Variants in FRMD4A observed in about 807,000 individuals in gnomAD.
FRMD4A encodes FERM domain-containing protein 4A.
Under a neutral mutation model 129.1 loss-of-function variants are expected in FRMD4A, and 29 were observed. That is an observed-to-expected ratio of 0.22 (90% CI 0.17 to 0.31). The LOEUF (loss-of-function observed/expected upper bound fraction) is 0.31. FRMD4A is among the 10% of genes least tolerant of loss of function. The probability of loss-of-function intolerance (pLI) is 1.00; values close to 1 mark genes in which losing one functional copy is unlikely to be tolerated. For missense variants in FRMD4A, 1,272 were observed against 1,375.8 expected (o/e 0.92, Z 1.19); for synonymous variants, 634 against 571.6 (o/e 1.11, Z -1.56).
chr10:13,936,889 G>T (rs1349023555), intron 2 of FRMD4A, among the ~76,000 whole-genome samples: 1 of 152,092 alleles, frequency 6.6e-6, no homozygotes, highest in African/African-American at 2.4e-5. Context: ...CACTTACATG[G>T]CACACTCGTG....
chr10:13,889,038 AC>A (rs2131156180), intron 2 of FRMD4A, among the ~76,000 whole-genome samples: 1 of 152,358 alleles, frequency 6.6e-6, no homozygotes, highest in South Asian at 2.1e-4. Flanking sequence ...GAATTGAACT[AC>A]AAGCATGCTG....
chr10:13,821,189 G>A lies in FRMD4A; in HGVS notation c.112-10281C>T, dbSNP rs1446146959. Among the ~76,000 whole-genome samples the A allele has an allele frequency of 6.6e-6, 1 of 152,110 alleles. No homozygotes were observed. Among genetic ancestry groups the A allele is most frequent in the East Asian group, 1.9e-4 (1 of 5,186 alleles). On this transcript the variant is annotated intron_variant, in intron 3 of 24. Transcript: ENST00000357447. The surrounding 1 kb of genome is among the most constrained non-coding windows in gnomAD (Gnocchi z 4.3). The stretch of plus-strand genomic sequence containing the variant: ...GCTCTGTCCACTGTGTGGCCAGCAG[G>A]TCTGGGCGGCGACTCCCCTCCTTGT...
intron 2 of FRMD4A, among the ~76,000 whole-genome samples, chr10:14,018,735 G>GTTCTTT (rs1233866197): frequency 6.6e-6 from 1 of 152,148 alleles, no homozygotes; most frequent in African/African-American, 2.4e-5. Flanking sequence ...CTAGGACATT[G>GTTCTTT]TTCTTTTACA....
At chr10:13,839,851 C>T (rs959398145) in intron 3 of FRMD4A, among the ~76,000 whole-genome samples, 3 of 152,210 alleles carry the variant, frequency 2.0e-5, no homozygotes, top group Non-Finnish European at 2.9e-5. Context: ...GCCCGACTTT[C>T]CCTGGAGAAA....
intron 3 of FRMD4A, among the ~76,000 whole-genome samples, chr10:13,817,438 C>T (rs968533243): frequency 2.6e-5 from 4 of 152,222 alleles, no homozygotes; most frequent in Non-Finnish European, 5.9e-5. Context: ...CAGCACTTAA[C>T]GTGTTGCAGG....
At chr10:13,691,016 C>T (rs1040047570) in intron 15 of FRMD4A, among the ~76,000 whole-genome samples, 2 of 152,178 alleles carry the variant, frequency 1.3e-5, no homozygotes, top group African/African-American at 4.8e-5. Flanking sequence ...GAGACACAGT[C>T]TCACTCTGCC....
intron 2 of FRMD4A, among the ~76,000 whole-genome samples, chr10:14,189,890 T>A (rs1430388086): frequency 6.6e-6 from 1 of 152,220 alleles, no homozygotes; most frequent in Non-Finnish European, 1.5e-5. Context: ...AAAATCCTTA[T>A]AAATTTAATG....
intron 2 of FRMD4A, among the ~76,000 whole-genome samples, chr10:14,138,973 C>A (rs1839693793): frequency 6.6e-6 from 1 of 152,168 alleles, no homozygotes; most frequent in Non-Finnish European, 1.5e-5. Flanking sequence ...CCTGCCCCTT[C>A]CCTGGGACCT....
At chr10:14,269,804 A>T (rs1845100205) in intron 2 of FRMD4A, among the ~76,000 whole-genome samples, 1 of 152,182 alleles carries the variant, frequency 6.6e-6, no homozygotes, top group Non-Finnish European at 1.5e-5. Context: ...GGAATTAATT[A>T]TTTATTTTGA....
intron 3 of FRMD4A, among the ~76,000 whole-genome samples, chr10:13,831,682 C>A (rs1490323151): frequency 6.6e-6 from 1 of 152,200 alleles, no homozygotes; most frequent in Non-Finnish European, 1.5e-5. Context: ...GTTCTTGACA[C>A]ATAATTATTA....
rs59818032 is a variant in FRMD4A, at chr10:13,679,474, TAC to T, written c.1118-4432_1118-4431del. Among the ~76,000 whole-genome samples the T allele has an allele frequency of 9.2e-3, 290 of 31,446 alleles. 6 individuals carry two copies. The highest frequency in any genetic ancestry group is 0.037 in the East Asian group (12 of 320). 20.6% of individuals were successfully genotyped at this position (31,446 alleles called of 152,430 possible). ...AAAAAAAAAAAAATATATATATATATACACACACACACACACACACACACACA... is the reference window on the plus strand; with the variant it reads ...AAAAAAAAAAAAATATATATATATATACACACACACACACACACACACACA... On this transcript the variant is annotated intron_variant, in intron 15 of 24. Transcript: ENST00000357447.
chr10:13,684,540 C>T (rs539797673), intron 15 of FRMD4A: 3 of 985,424 alleles, frequency 3.0e-6, no homozygotes, highest in East Asian at 2.3e-4. Context: ...TCCTCCCGGC[C>T]GGCAGACACA....
At chr10:13,978,515 A>T (rs2095549902) in intron 2 of FRMD4A, among the ~76,000 whole-genome samples, 1 of 152,168 alleles carries the variant, frequency 6.6e-6, no homozygotes. Context: ...TTGGAAAAAA[A>T]AATGCTATTT....
chr10:14,186,534 C>T (rs2131914312), intron 2 of FRMD4A, among the ~76,000 whole-genome samples: 1 of 152,330 alleles, frequency 6.6e-6, no homozygotes, highest in South Asian at 2.1e-4. Flanking sequence ...GCTTTTCTCA[C>T]AAACCTGGTG....
rs1478349185 is a variant in FRMD4A, at chr10:14,238,212, C to T, written c.45+91846G>A. On this transcript the variant is annotated intron_variant, in intron 2 of 24. Coordinates refer to ENST00000357447, the MANE Select transcript of FRMD4A (RefSeq NM_018027.5). ...CTTATATGTGGGGTATCATCTCATT[C>T]TCATAATAATTCTGCAAGGTGGATA... Among the ~76,000 whole-genome samples, 5 of 152,336 alleles carry T rather than the reference C, an allele frequency of 3.3e-5. No homozygotes were observed. In the East Asian group the frequency reaches 9.6e-4, roughly 29 times the overall value.
chr10:13,860,373 T>G (rs1428888732), intron 2 of FRMD4A, among the ~76,000 whole-genome samples: 1 of 152,260 alleles, frequency 6.6e-6, no homozygotes, highest in Non-Finnish European at 1.5e-5. Flanking sequence ...ACAATGGCTA[T>G]GCTTTATAAT....
At chr10:13,696,468 C>G (rs934314713) in intron 14 of FRMD4A, among the ~76,000 whole-genome samples, 3 of 152,188 alleles carry the variant, frequency 2.0e-5, no homozygotes, top group African/African-American at 7.2e-5. Flanking sequence ...TAGAGCTGGG[C>G]ATGGTGGCTC....
intron 2 of FRMD4A, among the ~76,000 whole-genome samples, chr10:14,292,528 G>A (rs1293036030): frequency 6.6e-6 from 1 of 152,206 alleles, no homozygotes; most frequent in African/African-American, 2.4e-5. Flanking sequence ...GGCTGGGCAT[G>A]GTGGCTCACG....
At chr10:13,868,115 C>G (rs1046611859) in intron 2 of FRMD4A, among the ~76,000 whole-genome samples, 7 of 150,954 alleles carry the variant, frequency 4.6e-5, no homozygotes, top group African/African-American at 1.2e-4. Flanking sequence ...ATTCCCTGTC[C>G]ACACTTCACT....
Sources: gnomAD v4.1 joint callset for allele counts (sites outside exome capture counted in the v4.1 genomes callset) on GRCh38, gnomAD v4.1.1 for gene constraint, Gnocchi (gnomAD v3.1) non-coding constraint, MANE v1.5 for transcripts, NCBI Gene and HGNC (gene_info 2026-07-23, HGNC 2026-07-21) for gene names.